ZNF804B: variants seen among roughly 807,000 people sequenced by gnomAD.
ZNF804B encodes the protein zinc finger protein 804B, also known as zinc finger 804B.
Under a neutral mutation model 101.4 loss-of-function variants are expected in ZNF804B, and 80 were observed. The ratio of observed to expected loss-of-function variants is 0.79; its 90% CI spans 0.66 to 0.95. The LOEUF (loss-of-function observed/expected upper bound fraction) is 0.95. ZNF804B is among the 40% of genes least tolerant of loss of function. The pLI is 0.00. For synonymous variants in ZNF804B, 622 were observed against 558.8 expected, an observed-to-expected ratio of 1.11 and a Z score of -1.59; for missense variants, 1,673 against 1,561.9, an observed-to-expected ratio of 1.07 and a Z score of -1.20.
At chr7:89,184,396 T>A (rs1788342905) in intron 1 of ZNF804B, among the ~76,000 whole-genome samples, 1 of 152,290 alleles carries the variant, frequency 6.6e-6, no homozygotes, top group South Asian at 2.1e-4. Context: ...ATGTGTAGGA[T>A]CACAGGTTAT....
intron 3 of ZNF804B, among the ~76,000 whole-genome samples, chr7:89,332,465 C>T (rs901380327): frequency 7.4e-6 from 1 of 135,816 alleles, no homozygotes; most frequent in African/African-American, 3.0e-5. Flanking sequence ...AAAAAGAATG[C>T]CAGTTCAAAG....
intron 1 of ZNF804B, among the ~76,000 whole-genome samples, chr7:89,122,576 C>T (rs757442921): frequency 1.3e-5 from 2 of 152,130 alleles, no homozygotes; most frequent in Non-Finnish European, 2.9e-5. Context: ...CCTTGTCCTG[C>T]GGTTGCTGTT....
chr7:89,219,830 T>C (rs902695365), intron 2 of ZNF804B, among the ~76,000 whole-genome samples: 1 of 147,050 alleles, frequency 6.8e-6, no homozygotes, highest in African/African-American at 2.5e-5. Context: ...ATTGAGTGTA[T>C]ACTAAATATA....
intron 1 of ZNF804B, among the ~76,000 whole-genome samples, chr7:89,054,458 A>T (rs1403831089): frequency 6.6e-6 from 1 of 151,842 alleles, no homozygotes; most frequent in Non-Finnish European, 1.5e-5. Context: ...TCCTACATGA[A>T]TGATGGCACA....
At chr7:89,180,408 A>G (rs528922899) in intron 1 of ZNF804B, among the ~76,000 whole-genome samples, 121 of 152,138 alleles carry the variant, frequency 8.0e-4, no homozygotes, top group Non-Finnish European at 1.5e-3. Flanking sequence ...TTCATCAAGC[A>G]GAGTGAGTCT....
intron 1 of ZNF804B, among the ~76,000 whole-genome samples, chr7:89,102,058 AT>A (rs1186198792): frequency 2.0e-5 from 3 of 151,896 alleles, no homozygotes; most frequent in South Asian, 2.1e-4. Context: ...TATACACCAC[AT>A]TTTTTTAATC....
intron 1 of ZNF804B, among the ~76,000 whole-genome samples, chr7:89,019,690 C>T (rs765797468): frequency 6.6e-6 from 1 of 151,900 alleles, no homozygotes; most frequent in Non-Finnish European, 1.5e-5. Context: ...TTATTATATC[C>T]TCTTACTGAA....
At chr7:88,784,964 G>A (rs1790278980) in intron 1 of ZNF804B, among the ~76,000 whole-genome samples, 1 of 151,994 alleles carries the variant, frequency 6.6e-6, no homozygotes, top group African/African-American at 2.4e-5. Context: ...TTAGAATGAG[G>A]CTTTCTTCTC....
intron 1 of ZNF804B, among the ~76,000 whole-genome samples, chr7:89,193,306 A>T (rs1788490306): frequency 6.8e-6 from 1 of 146,142 alleles, no homozygotes; most frequent in African/African-American, 2.5e-5. Context: ...TTCTATCTTT[A>T]TTTTTTTTTA....
chr7:89,134,834 C>A (rs1584006716), intron 1 of ZNF804B, among the ~76,000 whole-genome samples: 1 of 151,434 alleles, frequency 6.6e-6, no homozygotes, highest in East Asian at 2.0e-4. Context: ...TTTTTTTTAA[C>A]CGTCTTTCAA....
At chr7:88,933,321 A>T (rs1384982065) in intron 1 of ZNF804B, among the ~76,000 whole-genome samples, 1 of 151,656 alleles carries the variant, frequency 6.6e-6, no homozygotes, top group East Asian at 1.9e-4. Context: ...CATATATGAC[A>T]AACCAACATC....
At chr7:88,790,323 C>T (rs1005018457) in intron 1 of ZNF804B, among the ~76,000 whole-genome samples, 7 of 151,962 alleles carry the variant, frequency 4.6e-5, no homozygotes, top group Non-Finnish European at 7.4e-5. Context: ...AGATTTTTTA[C>T]GTAGGTAAAT....
intron 1 of ZNF804B, among the ~76,000 whole-genome samples, chr7:89,122,979 T>C (rs1396219022): frequency 6.6e-6 from 1 of 152,064 alleles, no homozygotes; most frequent in Non-Finnish European, 1.5e-5. Flanking sequence ...CATCCCAATC[T>C]CTACAAGAAC....
rs1790333057 is a variant in ZNF804B at position 88,788,352 on chromosome 7, T to C, written c.108+28268T>C. On this transcript the variant is annotated intron_variant, in intron 1 of 3. Transcript: ENST00000333190. Reference sequence around the variant, plus strand: ...ACTCTGGTCTCTCTGGTATTCCTTCTGTCCTTCAACACACCAAGCTTGCTC... The same window carrying C: ...ACTCTGGTCTCTCTGGTATTCCTTCCGTCCTTCAACACACCAAGCTTGCTC... Among the ~76,000 whole-genome samples the C allele has an allele frequency of 2.0e-5, 3 of 152,160 alleles. No individual in the cohort carries two copies. The South Asian group carries it at 6.2e-4, about 31-fold the overall frequency.
At chr7:89,162,782 C>T (rs995618759) in intron 1 of ZNF804B, among the ~76,000 whole-genome samples, 1 of 147,448 alleles carries the variant, frequency 6.8e-6, no homozygotes, top group East Asian at 2.0e-4. Context: ...TTAGGTATAT[C>T]TCCCAATGCC....
At position 88,954,640 on chromosome 7, in the gene ZNF804B, A is replaced by C. The variant is rs142925299; in HGVS notation, c.108+194556A>C. On this transcript the variant is annotated intron_variant, in intron 1 of 3. Coordinates refer to ENST00000333190, the MANE Select transcript of ZNF804B (RefSeq NM_181646.5). ...ATATCAATCACATTGTACTCCAAAA[A>C]TGTCCAAGTAAAAAAGGGGCAACAT... Among the ~76,000 whole-genome samples, 13 of 151,622 alleles carry C rather than the reference A, an allele frequency of 8.6e-5. No individual in the cohort carries two copies. In the East Asian group the frequency reaches 2.0e-3, roughly 23 times the overall value.
chr7:89,265,711 A>T (rs1359950370), intron 2 of ZNF804B, among the ~76,000 whole-genome samples: 2 of 152,222 alleles, frequency 1.3e-5, no homozygotes, highest in African/African-American at 4.8e-5. Flanking sequence ...AAATAGAAAC[A>T]TGTTGTGAAA....
chr7:88,888,257 TG>T (rs1792163164), intron 1 of ZNF804B, among the ~76,000 whole-genome samples: 2 of 151,920 alleles, frequency 1.3e-5, no homozygotes, highest in Admixed American at 1.3e-4. Context: ...CCAGGCGTGG[TG>T]GGGGGTGCCT....
At chr7:88,831,941 A>G (rs945910967) in intron 1 of ZNF804B, among the ~76,000 whole-genome samples, 13 of 152,022 alleles carry the variant, frequency 8.6e-5, no homozygotes, top group Admixed American at 7.2e-4. Flanking sequence ...TTTTATAAAT[A>G]TATTAATCTT....
Sources: gnomAD v4.1 joint callset for allele counts (sites outside exome capture counted in the v4.1 genomes callset) on GRCh38, gnomAD v4.1.1 for gene constraint, MANE v1.5 for transcripts, NCBI Gene and HGNC (gene_info 2026-07-23, HGNC 2026-07-21) for gene names.